The following CCNH variants were observed in gnomAD, a reference collection of about 807,000 sequenced individuals.
CCNH encodes the protein cyclin H.
Under a neutral mutation model 41.9 loss-of-function variants are expected in CCNH, and 31 were observed. That is an observed-to-expected ratio of 0.74 (90% confidence interval 0.56 to 1.00). CCNH has a LOEUF of 1.00. CCNH is among the 50% of genes least tolerant of loss of function. The probability of loss-of-function intolerance (pLI) is 0.00; values close to 1 mark genes in which losing one functional copy is unlikely to be tolerated. For missense variants in CCNH, 362 were observed against 388.4 expected, an observed-to-expected ratio of 0.93 and a Z score of 0.57; for synonymous variants, 138 against 136.1, an observed-to-expected ratio of 1.01 and a Z score of -0.10.
At chr5:87,353,806 A>G (rs528804023) in intron 9 of CCNH, among the ~76,000 whole-genome samples, 4 of 152,080 alleles carry the variant, frequency 2.6e-5, no homozygotes, top group Non-Finnish European at 5.9e-5. Context: ...AAAAGGAAAG[A>G]TTGGCCTTGA....
At chr5:87,334,054 G>A (rs909953809) in intron 9 of CCNH, among the ~76,000 whole-genome samples, 1 of 152,174 alleles carries the variant, frequency 6.6e-6, no homozygotes, top group East Asian at 1.9e-4. Flanking sequence ...GGATCTTTGA[G>A]ATCCATTTAG....
chr5:87,338,561 G>C (rs1458853755), intron 9 of CCNH, among the ~76,000 whole-genome samples: 1 of 119,816 alleles, frequency 8.3e-6, no homozygotes, highest in Admixed American at 8.7e-5. Flanking sequence ...AAGTAGAAAT[G>C]GGGTTTTACC....
intron 1 of CCNH, 140 bp from the exon 2 acceptor site, chr5:87,411,486 C>T (rs1230822218): frequency 3.0e-6 from 2 of 667,280 alleles, no homozygotes; most frequent in African/African-American, 3.7e-5. Flanking sequence ...TTTATAGATT[C>T]GCTAATCATT....
intron 9 of CCNH, among the ~76,000 whole-genome samples, chr5:87,367,061 A>C (rs984989815): frequency 3.9e-5 from 6 of 152,092 alleles, no homozygotes; most frequent in Non-Finnish European, 5.9e-5. Context: ...CAACAACAAA[A>C]ATTTTTTTTT....
At chr5:87,389,154 G>A, downstream of CCNH, 1 of 409,842 alleles carries the variant, frequency 2.4e-6, no homozygotes, top group Admixed American at 3.6e-5. Flanking sequence ...TGAGACTACA[G>A]AGAAAGATTT....
intron 9 of CCNH, among the ~76,000 whole-genome samples, chr5:87,340,782 A>G (rs1758374843): frequency 6.6e-6 from 1 of 152,148 alleles, no homozygotes; most frequent in Admixed American, 6.6e-5. Flanking sequence ...TGGAAAGTAC[A>G]TTCTAAGAAC....
chr5:87,412,685 T>C lies in CCNH; in HGVS notation c.110A>G (p.Asn37Ser), dbSNP rs140234729. Reference sequence around the variant, plus strand: ...CCGTTGGGAAAACCTCACCTTCCCGTTGGCCACGGCTTTGCATCTGAATTT... The same window carrying C: ...CCGTTGGGAAAACCTCACCTTCCCGCTGGCCACGGCTTTGCATCTGAATTT... ...NRKFRCKAVA[N>S]GKVLPNDPVF... The change falls in exon 1 of 9, where the codon AAC becomes AGC. Residue 37 changes from asparagine to serine, a missense_variant. Physicochemically the swap from Asn to Ser is conservative, Grantham distance 46 (BLOSUM62 1). Transcript: ENST00000256897. The C allele has an allele frequency of 6.2e-6, 10 of 1,613,944 alleles. No homozygotes were observed. In the African/African-American group the frequency reaches 9.3e-5, roughly 15 times the overall value.
downstream of CCNH, chr5:87,386,783 GGTTT>G: frequency 1.3e-6 from 2 of 1,529,590 alleles, no homozygotes; most frequent in South Asian, 1.1e-5. Context: ...ATCAAACAGT[GGTTT>G]GTTTCTGGTG....
intron 7 of CCNH, among the ~76,000 whole-genome samples, chr5:87,398,255 C>T (rs530569566): frequency 4.8e-4 from 73 of 152,330 alleles, no homozygotes; most frequent in African/African-American, 1.5e-3. Context: ...TATTCCCCAA[C>T]TACAACTGTA....
At chr5:87,364,400 C>CA (rs2112461769) in intron 9 of CCNH, among the ~76,000 whole-genome samples, 1 of 152,206 alleles carries the variant, frequency 6.6e-6, no homozygotes, top group South Asian at 2.1e-4. Flanking sequence ...GCTGATTGAA[C>CA]AAATAGTTTT....
intron 6 of CCNH, 53 bp from the exon 7 acceptor site, chr5:87,399,558 TAGTA>T: frequency 1.8e-6 from 2 of 1,128,770 alleles, no homozygotes; most frequent in Non-Finnish European, 2.7e-6. Flanking sequence ...CTCCTTCTCA[TAGTA>T]AGGGAGCTGG....
chr5:87,412,579 G>A, intron 1 of CCNH, 99 bp downstream of exon 1: 2 of 1,515,726 alleles, frequency 1.3e-6, no homozygotes, highest in Admixed American at 2.1e-5. Context: ...CAGAGGCAGA[G>A]AAACGACGGA....
At chr5:87,406,725 A>G (rs1474658251) in intron 4 of CCNH, among the ~76,000 whole-genome samples, 1 of 152,268 alleles carries the variant, frequency 6.6e-6, no homozygotes, top group East Asian at 1.9e-4. Flanking sequence ...AAGCCCAGGA[A>G]GCTCTTTCTG....
chr5:87,354,242 G>C lies in CCNH; in HGVS notation c.*91-35345C>G, dbSNP rs114343528. On this transcript the variant is annotated intron_variant and NMD_transcript_variant, in intron 9 of 9. Coordinates refer to the CCNH transcript ENST00000645953. The stretch of plus-strand genomic sequence containing the variant: ...ATACAGGCACACTTCATTTTATTGT[G>C]CATTGCCTTATTATGTTTCAAAGAT... 7.0e-3 allele frequency among the ~76,000 whole-genome samples: 1,065 copies of C among 152,174 alleles called. 18 individuals are homozygous for C. Among genetic ancestry groups the C allele is most frequent in the African/African-American group, 0.024 (993 of 41,518 alleles).
chr5:87,397,348 C>CG (rs1338852178), intron 7 of CCNH, among the ~76,000 whole-genome samples: 2 of 151,910 alleles, frequency 1.3e-5, no homozygotes, highest in African/African-American at 4.8e-5. Flanking sequence ...TTAGTAGAGA[C>CG]GGGGTTTCGC....
At position 87,399,517 on chromosome 5, in the gene CCNH, CAAA is replaced by C. The variant is rs754256775; in HGVS notation, c.761-15_761-13del. On this transcript the variant is annotated splice_polypyrimidine_tract_variant and intron_variant, in intron 6 of 8. Transcript: ENST00000256897. ...TAAGTTTCTCATGCCTATGTGGATACAAAAAAAGAATTTAAACTGAATAAGCAA... is the reference window on the plus strand; with the variant it reads ...TAAGTTTCTCATGCCTATGTGGATACAAAAGAATTTAAACTGAATAAGCAA... 1 of 1,559,796 alleles carries C rather than the reference CAAA, an allele frequency of 6.4e-7. No individual in the cohort carries two copies. Among genetic ancestry groups the C allele is most frequent in the Non-Finnish European group, 8.8e-7 (1 of 1,132,876 alleles).
chr5:87,371,081 CCTATTTT>C (rs1760904445), intron 9 of CCNH, among the ~76,000 whole-genome samples: 1 of 151,962 alleles, frequency 6.6e-6, no homozygotes, highest in South Asian at 2.1e-4. Flanking sequence ...ACTTCAGTAT[CCTATTTT>C]CTAAGTATTT....
At chr5:87,338,369 T>C (rs1758131979) in intron 9 of CCNH, among the ~76,000 whole-genome samples, 1 of 150,564 alleles carries the variant, frequency 6.6e-6, no homozygotes, top group African/African-American at 2.4e-5. Context: ...TCTTGGTCTG[T>C]TACCCAGGCT....
At chr5:87,399,697 A>G (rs1363833484) in intron 6 of CCNH, among the ~76,000 whole-genome samples, 192 bp from the exon 7 acceptor site, 1 of 152,228 alleles carries the variant, frequency 6.6e-6, no homozygotes, top group Non-Finnish European at 1.5e-5. Context: ...TAGTTCAAGT[A>G]ATTATGGCTC....
Sources: gnomAD v4.1 joint callset for allele counts (sites outside exome capture counted in the v4.1 genomes callset) on GRCh38, gnomAD v4.1.1 for gene constraint, MANE v1.5 for transcripts, NCBI Gene and HGNC (gene_info 2026-07-23, HGNC 2026-07-21) for gene names.